The following MAP3K5 variants were observed in gnomAD, a reference collection of about 807,000 sequenced individuals.
The protein encoded by MAP3K5 is ASK-1.
In MAP3K5, 56 loss-of-function variants were observed where a neutral mutation model predicts 158.7. The observed-to-expected ratio is 0.35, with a 90% CI of 0.28 to 0.44. The LOEUF is 0.44. Among genes scored for constraint, MAP3K5 ranks in the 20% least tolerant of loss-of-function variants. MAP3K5 has a pLI of 1.00. For missense variants in MAP3K5, 1,294 were observed against 1,674.8 expected (o/e 0.77, Z 3.97); for synonymous variants, 579 against 601.7 (o/e 0.96, Z 0.55).
intron 18 of MAP3K5, among the ~76,000 whole-genome samples, chr6:136,606,284 G>C (rs996705290): frequency 6.6e-6 from 1 of 152,194 alleles, no homozygotes; most frequent in Non-Finnish European, 1.5e-5. Flanking sequence ...CCAGGAGGCG[G>C]AGGTTGCAGT....
At chr6:136,726,868 C>A (rs959607289) in intron 1 of MAP3K5, among the ~76,000 whole-genome samples, 1 of 152,000 alleles carries the variant, frequency 6.6e-6, no homozygotes, top group African/African-American at 2.4e-5. Flanking sequence ...AAGCTTTTTT[C>A]ATATATATTA....
chr6:136,760,059 T>C (rs982750725), intron 1 of MAP3K5, among the ~76,000 whole-genome samples: 3 of 152,230 alleles, frequency 2.0e-5, no homozygotes, highest in African/African-American at 7.2e-5. Context: ...ATCCTGTTCT[T>C]ACAGACATCA....
chr6:136,792,630 C>G (rs1785139894), upstream of MAP3K5: 1 of 153,450 alleles, frequency 6.5e-6, no homozygotes, highest in Admixed American at 6.5e-5. This position sits in a 1 kb window ranked among gnomAD's most constrained non-coding sequence, Gnocchi z 5.7. Context: ...GGGTGCGGAG[C>G]TACCTGGCGC....
intron 14 of MAP3K5, among the ~76,000 whole-genome samples, chr6:136,628,258 T>C (rs111994372): frequency 5.7e-4 from 87 of 152,208 alleles, no homozygotes; most frequent in African/African-American, 2.0e-3. Flanking sequence ...ACTTCAGGTG[T>C]ACAGCACTAT....
intron 1 of MAP3K5, among the ~76,000 whole-genome samples, chr6:136,723,157 C>T (rs1031802396): frequency 6.6e-6 from 1 of 151,504 alleles, no homozygotes; most frequent in African/African-American, 2.4e-5. Flanking sequence ...TGTCTAAATA[C>T]CTATCAGTAA....
chr6:136,730,243 C>G (rs1324524658), intron 1 of MAP3K5, among the ~76,000 whole-genome samples: 1 of 151,526 alleles, frequency 6.6e-6, no homozygotes, highest in Non-Finnish European at 1.5e-5. Context: ...AAGTGAGCCA[C>G]CCGCCTAGGC....
chr6:136,778,881 C>T (rs1227494856), intron 1 of MAP3K5, among the ~76,000 whole-genome samples: 4 of 152,146 alleles, frequency 2.6e-5, no homozygotes, highest in African/African-American at 9.7e-5. Flanking sequence ...TTAAATAGGC[C>T]GGGTGCAGTG....
At chr6:136,710,592 T>TG (rs1417844790) in intron 2 of MAP3K5, among the ~76,000 whole-genome samples, 3 of 152,146 alleles carry the variant, frequency 2.0e-5, no homozygotes, top group African/African-American at 7.2e-5. Flanking sequence ...GATAACTAAA[T>TG]GGAGTATTTC....
intron 9 of MAP3K5, among the ~76,000 whole-genome samples, chr6:136,658,198 C>T (rs890495007): frequency 6.6e-6 from 1 of 152,052 alleles, no homozygotes; most frequent in Non-Finnish European, 1.5e-5. Flanking sequence ...GCTCTGGAAA[C>T]AGGCTTCCAC....
At chr6:136,645,718 T>C (rs1778220985) in intron 11 of MAP3K5, among the ~76,000 whole-genome samples, 1 of 152,196 alleles carries the variant, frequency 6.6e-6, no homozygotes, top group African/African-American at 2.4e-5. Flanking sequence ...GTAGAGTAGC[T>C]CTCTCTAAGA....
intron 7 of MAP3K5, among the ~76,000 whole-genome samples, chr6:136,677,762 A>G (rs1779768588): frequency 6.6e-6 from 1 of 152,248 alleles, no homozygotes. Context: ...TAATCTTCCT[A>G]CAAATGAGGA....
intron 21 of MAP3K5, 111 bp downstream of exon 21, chr6:136,600,911 T>G: frequency 1.8e-6 from 2 of 1,109,920 alleles, no homozygotes; most frequent in South Asian, 2.6e-5. Context: ...CACCCTCCTT[T>G]CCCCCCATGT....
rs539746338 is a variant in MAP3K5, at chr6:136,647,408, T to C, written c.1788+3576A>G. On this transcript the variant is annotated intron_variant, in intron 11 of 29. Coordinates refer to ENST00000359015, the MANE Select transcript of MAP3K5 (RefSeq NM_005923.4). ...AAGCGCATGCCTAGGCCACGAAGCA[T>C]GCAAGAGCTAACATCAACCTTCACA... Among the ~76,000 whole-genome samples the C allele has an allele frequency of 3.9e-5, 6 of 152,332 alleles. No homozygotes were observed. In the East Asian group the frequency reaches 7.7e-4, roughly 20 times the overall value.
rs1333851332 is a variant in MAP3K5 at position 136,557,789 on chromosome 6, G to A, written c.4094C>T (p.Ala1365Val). The part of the protein sequence containing the change: ...RGGMLCTLWK[A>V]IIDFRNKQT ...CTGTTTGTTTCGAAAGTCAATGATAGCCTTCCACAGTGTGCACAGCATCCC... is the reference window on the plus strand; with the variant it reads ...CTGTTTGTTTCGAAAGTCAATGATAACCTTCCACAGTGTGCACAGCATCCC... The change falls in exon 30 of 30, where the codon GCT (alanine) becomes GTT (valine). Residue 1365 changes from alanine (A) to valine (V), a missense_variant. By Grantham distance (64) the Ala-to-Val change is moderately conservative (BLOSUM62 0). Coordinates refer to ENST00000359015, the MANE Select transcript of MAP3K5 (RefSeq NM_005923.4). 1.2e-6 allele frequency: 2 copies of A among 1,612,432 alleles called. No homozygotes were observed. Among genetic ancestry groups the A allele is most frequent in the Non-Finnish European group, 8.5e-7 (1 of 1,178,558 alleles).
chr6:136,763,329 T>C (rs930313063), intron 1 of MAP3K5, among the ~76,000 whole-genome samples: 15 of 152,196 alleles, frequency 9.9e-5, no homozygotes, highest in Non-Finnish European at 1.6e-4. Flanking sequence ...TTCATTGCCT[T>C]CTCTACTTCA....
intron 11 of MAP3K5, among the ~76,000 whole-genome samples, chr6:136,649,905 G>T (rs1159909174): frequency 6.6e-6 from 1 of 152,194 alleles, no homozygotes; most frequent in Non-Finnish European, 1.5e-5. Context: ...AGTTGCCCAA[G>T]GGCAGTGGTG....
intron 1 of MAP3K5, among the ~76,000 whole-genome samples, chr6:136,737,035 GTGTATATA>G (rs1426409841): frequency 8.4e-6 from 1 of 118,720 alleles, no homozygotes; most frequent in East Asian, 2.1e-4. Context: ...ATATATGTGT[GTGTATATA>G]TATATATATA....
At chr6:136,777,752 A>C (rs865836430) in intron 1 of MAP3K5, among the ~76,000 whole-genome samples, 76 of 152,308 alleles carry the variant, frequency 5.0e-4, no homozygotes, top group African/African-American at 1.7e-3. Flanking sequence ...CATCTACTAC[A>C]TCTGCCTTTA....
At chr6:136,642,646 T>G (rs1778038852) in intron 11 of MAP3K5, 77 bp from the exon 12 acceptor site, 1 of 1,048,166 alleles carries the variant, frequency 9.5e-7, no homozygotes, top group African/African-American at 1.6e-5. Flanking sequence ...GTTTAATTAT[T>G]TTTAAAGTGA....
Sources: gnomAD v4.1 joint callset for allele counts (sites outside exome capture counted in the v4.1 genomes callset) on GRCh38, gnomAD v4.1.1 for gene constraint, Gnocchi (gnomAD v3.1) non-coding constraint, MANE v1.5 for transcripts, NCBI Gene and HGNC (gene_info 2026-07-23, HGNC 2026-07-21) for gene names.